The following PDE10A variants were observed in gnomAD, a reference collection of about 807,000 sequenced individuals.
The protein encoded by PDE10A is phosphodiesterase 10A, also known as cAMP and cAMP-inhibited cGMP 3',5'-cyclic phosphodiesterase 10A.
In PDE10A, 39 loss-of-function variants were observed where a neutral mutation model predicts 97.7. That is an observed-to-expected ratio of 0.40 (90% CI 0.31 to 0.52). The LOEUF (loss-of-function observed/expected upper bound fraction) is 0.52. Among genes scored for constraint, PDE10A ranks in the 20% least tolerant of loss-of-function variants. PDE10A has a pLI of 0.56. For missense variants in PDE10A, 731 were observed against 1,047.8 expected (o/e 0.70, Z 4.17); for synonymous variants, 371 against 376.8 (o/e 0.98, Z 0.18).
chr6:165,874,806 G>A (rs900732812), intron 1 of PDE10A, among the ~76,000 whole-genome samples: 3 of 152,168 alleles, frequency 2.0e-5, no homozygotes, highest in Non-Finnish European at 2.9e-5. Flanking sequence ...GCACTGAAAT[G>A]TCATCATTCC....
At chr6:165,765,658 G>A (rs1174120937) in intron 1 of PDE10A, among the ~76,000 whole-genome samples, 1 of 152,074 alleles carries the variant, frequency 6.6e-6, no homozygotes, top group Admixed American at 6.5e-5. Flanking sequence ...GTTCCTGCTC[G>A]CGCCTCTCCC....
intron 20 of PDE10A, among the ~76,000 whole-genome samples, chr6:165,337,384 C>T (rs1350458890): frequency 6.6e-6 from 1 of 152,172 alleles, no homozygotes; most frequent in East Asian, 1.9e-4. Context: ...TGATATGCAT[C>T]GAAGCATACA....
At chr6:165,782,570 T>C (rs915818900) in intron 1 of PDE10A, among the ~76,000 whole-genome samples, 33 of 152,198 alleles carry the variant, frequency 2.2e-4, no homozygotes, top group African/African-American at 8.0e-4. Flanking sequence ...AAATGAACAT[T>C]GGACTCAATT....
intron 1 of PDE10A, among the ~76,000 whole-genome samples, chr6:165,901,980 T>C (rs1782124032): frequency 6.6e-6 from 1 of 152,240 alleles, no homozygotes; most frequent in Non-Finnish European, 1.5e-5. Flanking sequence ...CAAGTTGCTT[T>C]TCAAACAGTC....
chr6:165,503,019 TTAAA>T (rs2128296023), intron 2 of PDE10A, among the ~76,000 whole-genome samples: 1 of 152,278 alleles, frequency 6.6e-6, no homozygotes, highest in East Asian at 1.9e-4. Context: ...ATAAAGCTGA[TTAAA>T]CAAAGAAACA....
intron 1 of PDE10A, chr6:165,774,831 C>CTTTTTTTTTTTTTTTTTTTTTTTTTTTTT (rs5881660): frequency 9.3e-6 from 1 of 107,886 alleles, no homozygotes; most frequent in Non-Finnish European, 1.9e-5. Context: ...ACTTTTTTTT[C>CTTTTTTTTTTTTTTTTTTTTTTTTTTTTT]TTTTTTTTTT....
intron 18 of PDE10A, among the ~76,000 whole-genome samples, chr6:165,372,648 A>G (rs1271131145): frequency 1.3e-5 from 2 of 150,842 alleles, no homozygotes; most frequent in Non-Finnish European, 2.9e-5. Context: ...AAATCGCCAT[A>G]CTGCCCAAGG....
rs148226713 is a variant in PDE10A, at chr6:165,630,816, C to G, written c.865+31131G>C. On this transcript the variant is annotated intron_variant, in intron 1 of 21. Coordinates refer to ENST00000539869, the MANE Select transcript of PDE10A (RefSeq NM_001385079.1). ...TGGAAAAAGATCAAAGGTCTAAGCC[C>G]TTTTGACTTACTCAGAGCCTCTGAG... is the stretch of plus-strand genomic sequence containing the variant. Among the ~76,000 whole-genome samples, 215 of 152,182 alleles carry G rather than the reference C, an allele frequency of 1.4e-3. 1 individual carries two copies. Among genetic ancestry groups the G allele is most frequent in the African/African-American group, 4.7e-3 (197 of 41,506 alleles).
chr6:165,685,693 A>G (rs1334167478), intron 1 of PDE10A, among the ~76,000 whole-genome samples: 1 of 152,096 alleles, frequency 6.6e-6, no homozygotes, highest in Non-Finnish European at 1.5e-5. Context: ...AAGAAACTCC[A>G]CAGAGGACCA....
At chr6:165,474,697 G>A (rs1157387221) in intron 3 of PDE10A, among the ~76,000 whole-genome samples, 6 of 151,758 alleles carry the variant, frequency 4.0e-5, no homozygotes, top group African/African-American at 1.2e-4. Flanking sequence ...TCCATTTTAC[G>A]CAACTTCTTG....
chr6:165,964,943 G>A (rs1414596038), intron 1 of PDE10A, among the ~76,000 whole-genome samples: 1 of 152,182 alleles, frequency 6.6e-6, no homozygotes, highest in Non-Finnish European at 1.5e-5. Flanking sequence ...GAGAAGGAAG[G>A]GTGCCAGGGG....
intron 1 of PDE10A, among the ~76,000 whole-genome samples, chr6:165,976,856 C>A (rs1270267794): frequency 6.6e-6 from 1 of 152,204 alleles, no homozygotes; most frequent in African/African-American, 2.4e-5. Flanking sequence ...GGCTGTGCGC[C>A]ATGCCATCCT....
chr6:165,382,872 C>CA (rs1785024417), intron 17 of PDE10A, among the ~76,000 whole-genome samples: 1 of 152,096 alleles, frequency 6.6e-6, no homozygotes, highest in South Asian at 2.1e-4. Flanking sequence ...CTATTCAGAA[C>CA]ACAGCTGTAG....
intron 1 of PDE10A, among the ~76,000 whole-genome samples, chr6:165,659,539 T>A (rs1361311662): frequency 6.6e-6 from 1 of 152,178 alleles, no homozygotes; most frequent in Non-Finnish European, 1.5e-5. Context: ...TCTATCCCCT[T>A]CCCAAGCTTG....
In PDE10A at chr6:165,718,984, T is replaced by C. The variant is rs142957752; in HGVS notation, c.-614-175416A>G. On this transcript the variant is annotated intron_variant, in intron 1 of 19. Transcript: ENST00000366882. ...GCATTCATGTTAAAATAAAAGAATG[T>C]TATAAAAGAAGCAAGTGAAGAACAA... Among the ~76,000 whole-genome samples the C allele has an allele frequency of 2.3e-3, 350 of 152,102 alleles. 3 individuals are homozygous for C. Among genetic ancestry groups the C allele is most frequent in the South Asian group, 0.016 (76 of 4,812 alleles).
At chr6:165,580,090 C>T (rs1785529250) in intron 1 of PDE10A, among the ~76,000 whole-genome samples, 1 of 152,180 alleles carries the variant, frequency 6.6e-6, no homozygotes, top group Non-Finnish European at 1.5e-5. Context: ...TATATGAATT[C>T]ACAAGGACAG....
intron 1 of PDE10A, among the ~76,000 whole-genome samples, chr6:165,807,978 A>G (rs1040448507): frequency 1.3e-5 from 2 of 152,222 alleles, no homozygotes; most frequent in African/African-American, 2.4e-5. Context: ...ACACAGTATG[A>G]AAGAAAAGGA....
chr6:165,501,698 G>A (rs1450498681), intron 2 of PDE10A, among the ~76,000 whole-genome samples: 1 of 152,172 alleles, frequency 6.6e-6, no homozygotes, highest in South Asian at 2.1e-4. Context: ...AGGATACCCT[G>A]TTGAAGGATC....
At chr6:165,709,961 C>T (rs2128445934) in intron 1 of PDE10A, among the ~76,000 whole-genome samples, 1 of 152,084 alleles carries the variant, frequency 6.6e-6, no homozygotes, top group South Asian at 2.1e-4. Context: ...CCCTTCCAAT[C>T]CCTGTGACGG....
Sources: gnomAD v4.1 joint callset for allele counts (sites outside exome capture counted in the v4.1 genomes callset) on GRCh38, gnomAD v4.1.1 for gene constraint, MANE v1.5 for transcripts, NCBI Gene and HGNC (gene_info 2026-07-23, HGNC 2026-07-21) for gene names.